The following HOXA3 variants were observed in gnomAD, a reference collection of about 807,000 sequenced individuals.
HOXA3 encodes homeobox protein Hox-A3.
A neutral mutation model predicts 30.3 loss-of-function variants in HOXA3; 8 were observed. The observed-to-expected ratio is 0.26, with a 90% CI of 0.15 to 0.48. HOXA3 has a LOEUF of 0.48. Ranked by LOEUF, HOXA3 falls within the 20% of genes least tolerant of loss-of-function variation. HOXA3 has a pLI of 0.99. For missense variants in HOXA3, 653 were observed against 614.4 expected, an observed-to-expected ratio of 1.06 and a Z score of -0.66; for synonymous variants, 323 against 273.1, an observed-to-expected ratio of 1.18 and a Z score of -1.80.
In HOXA3 at chr7:27,152,346, C is replaced by G. The variant is rs1783005292; in HGVS notation, c.-552G>C. On this transcript the variant is annotated 5_prime_UTR_variant, in exon 1 of 6. Coordinates refer to ENST00000612286, the MANE Select transcript of HOXA3 (RefSeq NM_153631.3). ...TCTGACAGCTGTCGCTTGGGCAGCC[C>G]GAGAGAAGAATTGTCCTCTTTCCTG... is the stretch of plus-strand genomic sequence containing the variant. 8.0e-7 allele frequency: 1 copy of G among 1,243,558 alleles called. No individual in the cohort carries two copies. Among genetic ancestry groups the G allele is most frequent in the African/African-American group, 1.6e-5 (1 of 63,304 alleles). The allele number at this position is 1,243,558 out of a possible 1,614,324, so 77.0% of individuals were successfully genotyped here. A position where few individuals can be genotyped will look rare whatever the true frequency, so the allele number is the denominator to read the frequency against.
In HOXA3 at chr7:27,130,677, G is replaced by C. The variant is rs1303644675; in HGVS notation, c.-389-3607C>G. 1.9e-6 allele frequency: 3 copies of C among 1,608,326 alleles called. No individual in the cohort carries two copies. In the South Asian group the frequency reaches 3.3e-5, roughly 18 times the overall value. On this transcript the variant is annotated intron_variant, in intron 2 of 5. Coordinates refer to ENST00000612286, the MANE Select transcript of HOXA3 (RefSeq NM_153631.3). ...CGCTGTGCTGCGCGTACTCCTCGAAGGGAGGGAACTTGGGCTCGATGTAGT... is the reference window on the plus strand; with the variant it reads ...CGCTGTGCTGCGCGTACTCCTCGAACGGAGGGAACTTGGGCTCGATGTAGT...
At chr7:27,131,812 C>A (rs1785568997) in intron 2 of HOXA3, among the ~76,000 whole-genome samples, 1 of 152,022 alleles carries the variant, frequency 6.6e-6, no homozygotes, top group Non-Finnish European at 1.5e-5. Context: ...CTAAGAATTT[C>A]ATGTTTTCTC....
chr7:27,139,461 C>T (rs75996682), intron 2 of HOXA3, among the ~76,000 whole-genome samples: 3,682 of 152,338 alleles, frequency 0.024, 71 homozygotes, highest in Non-Finnish European at 0.037. Context: ...CTCTGCCACC[C>T]TCCCGCTCTC....
At chr7:27,151,022 C>T (rs1782954412) in intron 1 of HOXA3, 1 of 152,298 alleles carries the variant, frequency 6.6e-6, no homozygotes, top group African/African-American at 2.4e-5. Context: ...ATAATCGGCC[C>T]GCGGCAGCCG....
chr7:27,139,796 A>G (rs1349467527), intron 2 of HOXA3, among the ~76,000 whole-genome samples: 2 of 152,112 alleles, frequency 1.3e-5, no homozygotes, highest in Non-Finnish European at 2.9e-5. Flanking sequence ...CACAAAAATC[A>G]TCTTTTTGCA....
intron 1 of HOXA3, among the ~76,000 whole-genome samples, chr7:27,149,736 G>T (rs939316034): frequency 6.6e-6 from 1 of 152,164 alleles, no homozygotes; most frequent in Non-Finnish European, 1.5e-5. Context: ...ATGAAAACTC[G>T]AGTCAAAAAA....
At chr7:27,130,251 GGGGGCCGCCTCGCAGCGCCGC>G (rs754506730) in intron 2 of HOXA3, 134 of 1,251,570 alleles carry the variant, frequency 1.1e-4, no homozygotes, top group South Asian at 4.4e-4. Flanking sequence ...CTGGGGTGGC[GGGGGCCGCCTCGCAGCGCCGC>G]GGGGCCGCTG....
chr7:27,129,834 G>C (rs1184379188), intron 2 of HOXA3: 4 of 607,896 alleles, frequency 6.6e-6, no homozygotes, highest in Non-Finnish European at 1.2e-5. Context: ...ATGGCCTGAA[G>C]CCTCTGCCAG....
At chr7:27,127,939 A>G (rs1785353982) in intron 2 of HOXA3, among the ~76,000 whole-genome samples, 1 of 152,248 alleles carries the variant, frequency 6.6e-6, no homozygotes, top group African/African-American at 2.4e-5. Context: ...AAGAGAAACA[A>G]ACAAGCAAAC....
intron 4 of HOXA3, among the ~76,000 whole-genome samples, chr7:27,118,387 C>T (rs17471779): frequency 7.2e-5 from 11 of 152,250 alleles, no homozygotes; most frequent in East Asian, 3.9e-4. Flanking sequence ...CACAATAATG[C>T]GCTGTATTAT....
chr7:27,111,954 C>G (rs1360891958), intron 4 of HOXA3, among the ~76,000 whole-genome samples: 1 of 152,192 alleles, frequency 6.6e-6, no homozygotes, highest in African/African-American at 2.4e-5. Flanking sequence ...TCTTTGTGTG[C>G]TGTTGTTGTT....
At chr7:27,137,423 G>A (rs2128057574) in intron 2 of HOXA3, among the ~76,000 whole-genome samples, 1 of 152,306 alleles carries the variant, frequency 6.6e-6, no homozygotes. Flanking sequence ...CCGCTGAGGA[G>A]GAGCACAGAC....
chr7:27,110,706 G>T lies in HOXA3; in HGVS notation c.-66C>A. On this transcript the variant is annotated 5_prime_UTR_variant, in exon 5 of 6. Coordinates refer to ENST00000612286, the MANE Select transcript of HOXA3 (RefSeq NM_153631.3). ...TTTGACACCCGTGAGGGCGCACATT[G>T]GCACGCCCCCGCGGTCACGTGACAC... is the stretch of plus-strand genomic sequence containing the variant. 6.3e-7 allele frequency: 1 copy of T among 1,581,558 alleles called. No individual in the cohort carries two copies. Among genetic ancestry groups the T allele is most frequent in the South Asian group, 1.1e-5 (1 of 90,232 alleles).
intron 2 of HOXA3, chr7:27,134,345 A>G (rs1785652741): frequency 6.6e-6 from 1 of 152,190 alleles, no homozygotes; most frequent in Admixed American, 6.5e-5. Context: ...ATGAATTTTA[A>G]CTGGGATTGT....
chr7:27,143,648 GTTTGTGCGT>G, intron 1 of HOXA3: 1 of 1,553,936 alleles, frequency 6.4e-7, no homozygotes, highest in Non-Finnish European at 8.7e-7. Flanking sequence ...GCTCGCGGTC[GTTTGTGCGT>G]CTATAGCACC....
At chr7:27,120,952 C>T (rs1784976267) in intron 4 of HOXA3, 1 of 152,206 alleles carries the variant, frequency 6.6e-6, no homozygotes, top group African/African-American at 2.4e-5. Context: ...CTTCACCGGC[C>T]TCCAACTTGG....
chr7:27,143,577 C>G lies in HOXA3; in HGVS notation c.-493-3391G>C, dbSNP rs1395521067. 10 of 1,599,990 alleles carry G rather than the reference C, an allele frequency of 6.3e-6. No homozygotes were observed. Among genetic ancestry groups the G allele is most frequent in the Non-Finnish European group, 8.5e-6 (10 of 1,172,918 alleles). On this transcript the variant is annotated intron_variant, in intron 1 of 5. Transcript: ENST00000612286. Reference sequence around the variant, plus strand: ...TAGTCCGGGCCATTTGGATAGCGACCGCAAAATGAGTTTACAAAATAAGAG... The same window carrying G: ...TAGTCCGGGCCATTTGGATAGCGACGGCAAAATGAGTTTACAAAATAAGAG...
In HOXA3 at chr7:27,110,361, G is replaced by C. The variant is rs1784295655; in HGVS notation, c.280C>G (p.Pro94Ala). The C allele has an allele frequency of 1.3e-6, 2 of 1,507,432 alleles. No homozygotes were observed. The highest frequency in any genetic ancestry group is 1.8e-6 in the Non-Finnish European group (2 of 1,133,124). The allele number at this position is 1,507,432 out of a possible 1,614,324, so 93.4% of individuals were successfully genotyped here. The part of the protein sequence containing the change: ...SLGEPPLHPP[P>A]PQAAPPAPQP... ...GGGGCAGGGGGCGCGGCCTGGGGCG[G>C]CGGCGGGTGCAGGGGCGGCTCTCCC... The change falls in exon 5 of 6, where the codon CCG (proline) becomes GCG (alanine). Residue 94 changes from proline (P) to alanine (A), a missense_variant. Pro to Ala is a conservative substitution (Grantham distance 27). Coordinates refer to ENST00000612286, the MANE Select transcript of HOXA3 (RefSeq NM_153631.3).
In HOXA3 at chr7:27,108,358, AG is replaced by A; in HGVS notation, c.888del (p.Phe297SerfsTer79). ...SVPYEPQSPP[P>X]FSKPPQGTYG... ...TAGGTACCCTGGGGGGGCTTGGAGA[AG>A]GGCGGGGGCGACTGGGGCTCATACG... On this transcript the variant is annotated frameshift_variant, in exon 6 of 6. Coordinates refer to ENST00000612286, the MANE Select transcript of HOXA3 (RefSeq NM_153631.3). LOFTEE classifies it high-confidence loss of function. This position sits in a 1 kb window ranked among gnomAD's most constrained non-coding sequence, Gnocchi z 5.0. 6.7e-7 allele frequency: 1 copy of A among 1,491,174 alleles called. No homozygotes were observed. The highest frequency in any genetic ancestry group is 9.1e-7 in the Non-Finnish European group (1 of 1,100,214). 92.4% of individuals were successfully genotyped at this position (1,491,174 alleles called of 1,614,324 possible).
Sources: allele counts gnomAD v4.1 joint callset (sites outside exome capture counted in the v4.1 genomes callset), GRCh38; gene constraint gnomAD v4.1.1; non-coding constraint Gnocchi (gnomAD v3.1); transcripts MANE v1.5; gene names NCBI Gene and HGNC (gene_info 2026-07-23, HGNC 2026-07-21).